The following NLN variants were observed in gnomAD, a reference collection of about 807,000 sequenced individuals.
The protein encoded by NLN is neurolysin, mitochondrial.
NLN carries 64 observed loss-of-function variants against 79.9 expected under a neutral mutation model. The ratio of observed to expected loss-of-function variants is 0.80; its 90% CI spans 0.65 to 0.99. The LOEUF is 0.99. NLN is among the 50% of genes least tolerant of loss of function. The probability of loss-of-function intolerance (pLI) is 0.00; values close to 1 mark genes in which losing one functional copy is unlikely to be tolerated. For synonymous variants in NLN, 267 were observed against 296.6 expected, an observed-to-expected ratio of 0.90 and a Z score of 1.02; for missense variants, 835 against 858.7, an observed-to-expected ratio of 0.97 and a Z score of 0.34.
At chr5:65,755,050 A>G (rs1261713537) in intron 1 of NLN, among the ~76,000 whole-genome samples, 2 of 152,196 alleles carry the variant, frequency 1.3e-5, no homozygotes, top group East Asian at 1.9e-4. Context: ...CATTTTTACT[A>G]TAACCTGACT....
chr5:65,822,816 TGGG>T lies in NLN; in HGVS notation c.2019_2021del (p.Gly674del). On this transcript the variant is annotated inframe_deletion, in exon 13 of 13. Transcript: ENST00000380985. ...AATACAGAAACCTAATCCTGAAACC[TGGG>T]GGATCTCTGGACGGCATGGACATGC... 1 of 1,611,776 alleles carries T rather than the reference TGGG, an allele frequency of 6.2e-7. No individual in the cohort carries two copies. Among genetic ancestry groups the T allele is most frequent in the Non-Finnish European group, 8.5e-7 (1 of 1,177,818 alleles).
rs1759343977 is a variant in NLN, at chr5:65,761,657, T to C, written c.302-1303T>C. On this transcript the variant is annotated intron_variant, in intron 2 of 12. Coordinates refer to ENST00000380985, the MANE Select transcript of NLN (RefSeq NM_020726.5). ...TAGTATCACTTAAATAAGTGCTGTA[T>C]TAAATTTCAAAATTTTCTATTCCAT... Among the ~76,000 whole-genome samples, 10 of 152,236 alleles carry C rather than the reference T, an allele frequency of 6.6e-5. No individual in the cohort carries two copies. In the South Asian group the frequency reaches 2.1e-3, roughly 32 times the overall value.
intron 1 of NLN, among the ~76,000 whole-genome samples, chr5:65,746,060 A>G (rs1351865835): frequency 6.6e-6 from 1 of 152,184 alleles, no homozygotes; most frequent in Non-Finnish European, 1.5e-5. Context: ...TCTAGAACTC[A>G]GGAGATTTGT....
chr5:65,759,751 G>A (rs994271768), intron 2 of NLN, among the ~76,000 whole-genome samples: 2 of 152,168 alleles, frequency 1.3e-5, no homozygotes, highest in Non-Finnish European at 2.9e-5. Context: ...TCACTCTAAC[G>A]TTAATATCAT....
intron 3 of NLN, among the ~76,000 whole-genome samples, chr5:65,765,198 TA>T (rs2150749361): frequency 6.6e-6 from 1 of 150,966 alleles, no homozygotes; most frequent in East Asian, 2.0e-4. Context: ...GCTTGGGCAA[TA>T]TGGCAAAAAC....
chr5:65,752,849 G>T (rs1214593186), intron 1 of NLN, among the ~76,000 whole-genome samples: 3 of 152,274 alleles, frequency 2.0e-5, no homozygotes, highest in African/African-American at 7.2e-5. Context: ...ATCCTGAAAA[G>T]AATTAAGGTA....
intron 6 of NLN, among the ~76,000 whole-genome samples, chr5:65,783,974 A>G (rs1046544619): frequency 6.6e-6 from 1 of 152,178 alleles, no homozygotes; most frequent in Non-Finnish European, 1.5e-5. Flanking sequence ...TAAGCACTTT[A>G]CATATATTTT....
intron 1 of NLN, among the ~76,000 whole-genome samples, chr5:65,729,044 A>G (rs1180345066): frequency 6.6e-6 from 1 of 152,134 alleles, no homozygotes; most frequent in East Asian, 1.9e-4. Context: ...GGGCTTCGCC[A>G]TGTTGCCCAA....
intron 1 of NLN, among the ~76,000 whole-genome samples, chr5:65,747,994 A>G (rs2150741015): frequency 6.6e-6 from 1 of 152,266 alleles, no homozygotes; most frequent in South Asian, 2.1e-4. Context: ...TGAGGTCAGG[A>G]GTTCAAGACC....
At chr5:65,803,337 C>T (rs750321064) in intron 9 of NLN, among the ~76,000 whole-genome samples, 87 of 152,174 alleles carry the variant, frequency 5.7e-4, no homozygotes, top group Non-Finnish European at 1.1e-3. Context: ...CGCTCAGTTC[C>T]CCCCTCAGCT....
Position 65,826,070 on chromosome 5 carries a change from G to T in NLN, c.*3155G>T, listed in dbSNP as rs1414418512. ...CCACAATCCACATGCTGGTAAATTT[G>T]GTTCGTGGTGAGGCCCCTCTTCCTC... On this transcript the variant is annotated 3_prime_UTR_variant, in exon 13 of 13. Transcript: ENST00000380985. 6.6e-6 allele frequency: 1 copy of T among 152,192 alleles called. No homozygotes were observed. Among genetic ancestry groups the T allele is most frequent in the Non-Finnish European group, 1.5e-5 (1 of 68,044 alleles). The allele number at this position is 152,192 out of a possible 1,614,324, so 9.4% of individuals were successfully genotyped here.
chr5:65,730,153 C>A (rs1186853761), intron 1 of NLN, among the ~76,000 whole-genome samples: 1 of 152,150 alleles, frequency 6.6e-6, no homozygotes, highest in Non-Finnish European at 1.5e-5. Context: ...ATTAATGGAA[C>A]TTACATTCCA....
chr5:65,723,660 A>G (rs1449088329), intron 1 of NLN, among the ~76,000 whole-genome samples: 1 of 151,518 alleles, frequency 6.6e-6, no homozygotes, highest in Non-Finnish European at 1.5e-5. Context: ...TAAAAAATAC[A>G]AAAAATTAGC....
In NLN at chr5:65,788,227, C is replaced by G; in HGVS notation, c.1068C>G (p.Ile356Met). 1.9e-6 allele frequency: 3 copies of G among 1,614,126 alleles called. No homozygotes were observed. The highest frequency in any genetic ancestry group is 2.5e-6 in the Non-Finnish European group (3 of 1,180,000). Residue 356 changes from isoleucine to methionine, a missense_variant, in exon 8 of 13, where the codon ATC becomes ATG. Ile to Met is a conservative substitution (Grantham distance 10, BLOSUM62 1). Transcript: ENST00000380985. Reference sequence around the variant, plus strand: ...GGGGTTTTGAATATGATGGGAAAATCAATGCCTGGGATCTATATTACTACA... The same window carrying G: ...GGGGTTTTGAATATGATGGGAAAATGAATGCCTGGGATCTATATTACTACA... ...KDRGFEYDGK[I>M]NAWDLYYYMT...
intron 3 of NLN, among the ~76,000 whole-genome samples, chr5:65,774,087 T>A (rs1759629437): frequency 6.7e-6 from 1 of 149,024 alleles, no homozygotes. Context: ...TTTTAACCAT[T>A]AGATAGCTAT....
At chr5:65,740,976 C>A (rs558954798) in intron 1 of NLN, 32 of 154,536 alleles carry the variant, frequency 2.1e-4, no homozygotes, top group African/African-American at 7.3e-4. Flanking sequence ...CTGGTTCAAG[C>A]GATTCTCCTG....
intron 4 of NLN, 89 bp from the exon 5 acceptor site, chr5:65,780,090 T>A (rs770927637): frequency 4.7e-6 from 3 of 643,354 alleles, no homozygotes; most frequent in East Asian, 3.1e-5. Context: ...CCTCCCAAAT[T>A]GCTGGGATTA....
chr5:65,736,576 CTTG>C (rs911188584), intron 1 of NLN, among the ~76,000 whole-genome samples: 76 of 152,310 alleles, frequency 5.0e-4, no homozygotes, highest in South Asian at 1.4e-3. Flanking sequence ...CTTAGCAGCT[CTTG>C]TTGTTGTCAA....
intron 9 of NLN, among the ~76,000 whole-genome samples, chr5:65,804,575 G>GT (rs1261648624): frequency 2.6e-5 from 4 of 152,284 alleles, no homozygotes; most frequent in African/African-American, 9.6e-5. Flanking sequence ...TGTTGCTCAG[G>GT]TTGGAGTCCA....
Sources: gnomAD v4.1 joint callset for allele counts (sites outside exome capture counted in the v4.1 genomes callset) on GRCh38, gnomAD v4.1.1 for gene constraint, MANE v1.5 for transcripts, NCBI Gene and HGNC (gene_info 2026-07-23, HGNC 2026-07-21) for gene names.